GPATCH8: variants seen among roughly 807,000 people sequenced by gnomAD.
The protein encoded by GPATCH8 is G-patch domain containing 8.
In GPATCH8, 18 loss-of-function variants were observed where a neutral mutation model predicts 118.3. The observed-to-expected ratio is 0.15, with a 90% CI of 0.11 to 0.23. The LOEUF (loss-of-function observed/expected upper bound fraction) is 0.23, where lower values mean the gene tolerates loss of function less well. GPATCH8 is among the 10% of genes least tolerant of loss of function. The pLI is 1.00. For missense variants in GPATCH8, 1,631 were observed against 1,873.8 expected, an observed-to-expected ratio of 0.87 and a Z score of 2.39; for synonymous variants, 659 against 684.7, an observed-to-expected ratio of 0.96 and a Z score of 0.59.
chr17:44,406,506 G>GGGGT (rs377596219), intron 6 of GPATCH8, among the ~76,000 whole-genome samples: 5,064 of 69,332 alleles, frequency 0.073, 791 homozygotes, highest in Non-Finnish European at 0.12. Flanking sequence ...TGGGGGGGGG[G>GGGGT]GGTTATTTAA....
intron 2 of GPATCH8, chr17:44,465,634 T>C (rs1423807461): frequency 6.6e-6 from 1 of 152,234 alleles, no homozygotes; most frequent in African/African-American, 2.4e-5. Context: ...ATGTAATTTA[T>C]AGTATTAATC....
At chr17:44,494,054 T>C (rs1326144660) in intron 1 of GPATCH8, among the ~76,000 whole-genome samples, 2 of 152,226 alleles carry the variant, frequency 1.3e-5, no homozygotes, top group Non-Finnish European at 2.9e-5. Context: ...TGTACTCTCA[T>C]GTTCATTAAC....
chr17:44,486,726 C>A (rs1362438825), intron 1 of GPATCH8: 1 of 152,098 alleles, frequency 6.6e-6, no homozygotes, highest in Non-Finnish European at 1.5e-5. Flanking sequence ...CCTCCTTTCT[C>A]CGTTTCATTT....
intron 2 of GPATCH8, among the ~76,000 whole-genome samples, chr17:44,467,714 C>T (rs1966910066): frequency 6.6e-6 from 1 of 152,078 alleles, no homozygotes. Flanking sequence ...TGTGACTCTG[C>T]AGGAAGGGCT....
chr17:44,456,081 T>C (rs2051319865), intron 3 of GPATCH8, among the ~76,000 whole-genome samples: 1 of 151,980 alleles, frequency 6.6e-6, no homozygotes, highest in Admixed American at 6.6e-5. Context: ...CAGTAAAATA[T>C]TTATAGTGAT....
chr17:44,460,412 GA>G (rs2051499759), intron 3 of GPATCH8, among the ~76,000 whole-genome samples: 1 of 152,012 alleles, frequency 6.6e-6, no homozygotes, highest in South Asian at 2.1e-4. Context: ...ATGTGAATAA[GA>G]AAATGGGTAC....
Position 44,399,719 on chromosome 17 carries a change from G to T in GPATCH8, c.2358C>A (p.His786Gln). Residue 786 changes from histidine to glutamine, a missense_variant, in exon 8 of 8, where the codon CAC becomes CAA. Physicochemically the swap from His to Gln is conservative, Grantham distance 24. Transcript: ENST00000591680. ...SSSQDHGGRK[H>Q]KGELPPSSCQ... is the part of the protein sequence containing the mutation. ...AGGATGAAGGTGGAAGTTCACCTTT[G>T]TGTTTCCTCCCACCATGGTCTTGGG... is the stretch of plus-strand genomic sequence containing the variant. 1 of 1,614,054 alleles carries T rather than the reference G, an allele frequency of 6.2e-7. No individual in the cohort carries two copies. Among genetic ancestry groups the T allele is most frequent in the Non-Finnish European group, 8.5e-7 (1 of 1,179,988 alleles).
chr17:44,465,819 G>A (rs1290997456), intron 2 of GPATCH8: 1 of 152,116 alleles, frequency 6.6e-6, no homozygotes, highest in Non-Finnish European at 1.5e-5. Context: ...CAATGATAAA[G>A]TGTTCTTTGA....
At chr17:44,412,462 C>T (rs1436978538) in intron 6 of GPATCH8, among the ~76,000 whole-genome samples, 1 of 152,046 alleles carries the variant, frequency 6.6e-6, no homozygotes, top group Non-Finnish European at 1.5e-5. Context: ...TTTTGGCTCA[C>T]CACAACCTCC....
At chr17:44,467,249 T>A in intron 2 of GPATCH8, 1 of 349,678 alleles carries the variant, frequency 2.9e-6, no homozygotes. Context: ...CATAAGTAAA[T>A]TCACGAGTCA....
chr17:44,464,020 G>A (rs1014377134), intron 3 of GPATCH8, among the ~76,000 whole-genome samples: 1 of 152,024 alleles, frequency 6.6e-6, no homozygotes, highest in Non-Finnish European at 1.5e-5. Context: ...TTATTGCAGA[G>A]CAAAAGAGCC....
At chr17:44,402,601 T>C (rs553193035) in intron 7 of GPATCH8, among the ~76,000 whole-genome samples, 35 of 152,206 alleles carry the variant, frequency 2.3e-4, no homozygotes, top group African/African-American at 7.5e-4. Flanking sequence ...CTGGGCAACA[T>C]AGTGAGACCC....
intron 6 of GPATCH8, among the ~76,000 whole-genome samples, chr17:44,415,547 G>C (rs1260060923): frequency 6.6e-6 from 1 of 152,080 alleles, no homozygotes; most frequent in Non-Finnish European, 1.5e-5. Flanking sequence ...TATTTACATA[G>C]CACTCCAAGA....
chr17:44,488,523 C>G (rs959010389), intron 1 of GPATCH8, among the ~76,000 whole-genome samples: 2 of 151,486 alleles, frequency 1.3e-5, no homozygotes, highest in Admixed American at 1.3e-4. Context: ...GTGCGTGCCA[C>G]CAAGCGTAGC....
At chr17:44,470,684 A>G (rs1967211384) in intron 2 of GPATCH8, among the ~76,000 whole-genome samples, 1 of 151,680 alleles carries the variant, frequency 6.6e-6, no homozygotes, top group Non-Finnish European at 1.5e-5. Context: ...TACTTTTTGT[A>G]TTTTTAGTAG....
At chr17:44,420,338 G>A (rs937055659) in intron 6 of GPATCH8, among the ~76,000 whole-genome samples, 1 of 152,122 alleles carries the variant, frequency 6.6e-6, no homozygotes, top group African/African-American at 2.4e-5. Context: ...TTGTACTAAG[G>A]TCAAATGACA....
intron 1 of GPATCH8, among the ~76,000 whole-genome samples, chr17:44,493,054 G>GTTTTTGTT (rs1555649554): frequency 8.0e-6 from 1 of 124,406 alleles, no homozygotes; most frequent in South Asian, 2.5e-4. Context: ...AAGCCATTAG[G>GTTTTTGTT]TTTTTTTTTT....
chr17:44,464,367 G>C (rs750503570), intron 3 of GPATCH8, 105 bp downstream of exon 3: 2 of 797,436 alleles, frequency 2.5e-6, no homozygotes, highest in Non-Finnish European at 2.3e-6. Flanking sequence ...AGGTAGTAGG[G>C]AGAAACCCAA....
At chr17:44,501,394 GC>G (rs1970054937) in intron 1 of GPATCH8, among the ~76,000 whole-genome samples, 1 of 150,672 alleles carries the variant, frequency 6.6e-6, no homozygotes, top group South Asian at 2.1e-4. Flanking sequence ...TCCAGCCTGG[GC>G]GACACAGCGA....
Sources: gnomAD v4.1 joint callset for allele counts (sites outside exome capture counted in the v4.1 genomes callset) on GRCh38, gnomAD v4.1.1 for gene constraint, MANE v1.5 for transcripts, NCBI Gene and HGNC (gene_info 2026-07-23, HGNC 2026-07-21) for gene names.